The following AFG2A variants were observed in gnomAD, a reference collection of about 807,000 sequenced individuals.
AFG2A encodes AAA ATPase AFG2A.
At chr4:122,977,289 G>C in the AFG2A span, among the ~76,000 whole-genome samples, 2 of 152,174 alleles carry the variant, frequency 1.3e-5, no homozygotes, top group Non-Finnish European at 2.9e-5. Context: ...TCCTACACCT[G>C]CCAAGGGTGA....
the AFG2A span, among the ~76,000 whole-genome samples, chr4:123,140,883 A>G: frequency 6.6e-6 from 1 of 152,190 alleles, no homozygotes; most frequent in African/African-American, 2.4e-5. Context: ...AAAAGTTAAC[A>G]TTGTCATGAA....
the AFG2A span, among the ~76,000 whole-genome samples, chr4:123,073,731 AAAG>A: frequency 1.3e-5 from 2 of 152,202 alleles, no homozygotes; most frequent in African/African-American, 4.8e-5. Flanking sequence ...CAGGTCAACT[AAAG>A]AAAAGGAAAG....
chr4:123,184,757 C>A, the AFG2A span, among the ~76,000 whole-genome samples: 1 of 151,422 alleles, frequency 6.6e-6, no homozygotes, highest in African/African-American at 2.4e-5. Flanking sequence ...GGGATGGTCT[C>A]GATCTCCTGA....
At chr4:123,011,601 T>C in the AFG2A span, among the ~76,000 whole-genome samples, 4 of 152,286 alleles carry the variant, frequency 2.6e-5, no homozygotes, top group Non-Finnish European at 2.9e-5. Flanking sequence ...TCTTGTAGGA[T>C]GGAAAAATCG....
the AFG2A span, among the ~76,000 whole-genome samples, chr4:123,041,277 A>AGTTTTTT: frequency 2.5e-5 from 3 of 118,178 alleles, no homozygotes; most frequent in African/African-American, 9.4e-5. Flanking sequence ...CGCCCAGCTA[A>AGTTTTTT]TTTTTTTTTT....
the AFG2A span, among the ~76,000 whole-genome samples, chr4:123,150,669 A>G: frequency 6.6e-6 from 1 of 152,234 alleles, no homozygotes; most frequent in Admixed American, 6.5e-5. Flanking sequence ...TGAAGAATCA[A>G]TATCATGAAA....
At chr4:123,160,296 C>T in the AFG2A span, among the ~76,000 whole-genome samples, 246 of 152,152 alleles carry the variant, frequency 1.6e-3, 1 homozygote, top group Middle Eastern at 0.014. Context: ...CAGACCTGCC[C>T]GTAGCCATCA....
chr4:123,003,074 C>A, the AFG2A span, among the ~76,000 whole-genome samples: 2 of 152,158 alleles, frequency 1.3e-5, no homozygotes, highest in African/African-American at 4.8e-5. Context: ...ATCACTGATA[C>A]CCTTTCTTCC....
the AFG2A span, among the ~76,000 whole-genome samples, chr4:123,256,494 C>T: frequency 2.6e-5 from 4 of 152,182 alleles, no homozygotes; most frequent in Non-Finnish European, 5.9e-5. Context: ...CAGTTTCTAA[C>T]CAATCACACA....
the AFG2A span, among the ~76,000 whole-genome samples, chr4:123,132,062 A>AT: frequency 1.3e-5 from 2 of 151,920 alleles, no homozygotes; most frequent in Admixed American, 6.6e-5. Context: ...ATGATTAGTG[A>AT]TTTTCACTAT....
At chr4:122,934,416 T>C in the AFG2A span, 19 of 1,614,220 alleles carry the variant, frequency 1.2e-5, no homozygotes, top group Non-Finnish European at 1.5e-5. Flanking sequence ...CACAGAGCCC[T>C]GGAGATGGCA....
At chr4:123,115,796 A>G in the AFG2A span, among the ~76,000 whole-genome samples, 1 of 152,200 alleles carries the variant, frequency 6.6e-6, no homozygotes, top group Admixed American at 6.5e-5. Flanking sequence ...GCTGCCATCA[A>G]TTTGAATGGT....
At chr4:123,187,299 T>C in the AFG2A span, among the ~76,000 whole-genome samples, 5 of 152,202 alleles carry the variant, frequency 3.3e-5, no homozygotes, top group African/African-American at 9.7e-5. Context: ...TGGAACTTTT[T>C]TGAAGTTGTT....
the AFG2A span, among the ~76,000 whole-genome samples, chr4:123,182,140 G>A: frequency 6.6e-6 from 1 of 152,102 alleles, no homozygotes. Flanking sequence ...TAATTGAAAT[G>A]TGAAACTAAG....
the AFG2A span, among the ~76,000 whole-genome samples, chr4:123,081,649 A>G: frequency 1.3e-5 from 2 of 152,184 alleles, no homozygotes; most frequent in Admixed American, 1.3e-4. Context: ...ATAAATATCC[A>G]GGAATGCAAT....
At chr4:123,051,159 CTCT>C in the AFG2A span, among the ~76,000 whole-genome samples, 1 of 151,398 alleles carries the variant, frequency 6.6e-6, no homozygotes, top group Non-Finnish European at 1.5e-5. Context: ...TATTATGTAA[CTCT>C]TCTTTTCGTT....
the AFG2A span, among the ~76,000 whole-genome samples, chr4:122,932,018 G>A: frequency 6.6e-6 from 1 of 152,164 alleles, no homozygotes; most frequent in Non-Finnish European, 1.5e-5. Context: ...TGTAATCCCA[G>A]CACTTTGGGA....
the AFG2A span, among the ~76,000 whole-genome samples, chr4:123,287,289 C>G: frequency 6.6e-6 from 1 of 152,122 alleles, no homozygotes; most frequent in South Asian, 2.1e-4. Context: ...TAGTGTAACC[C>G]CATTTTTGTG....
chr4:123,240,095 T>C, the AFG2A span, among the ~76,000 whole-genome samples: 1 of 152,132 alleles, frequency 6.6e-6, no homozygotes, highest in South Asian at 2.1e-4. Context: ...CATTACATAA[T>C]GGTAAAGGGA....
Sources: allele counts gnomAD v4.1 joint callset (sites outside exome capture counted in the v4.1 genomes callset), GRCh38; gene constraint gnomAD v4.1.1; transcripts MANE v1.5; gene names NCBI Gene and HGNC (gene_info 2026-07-23, HGNC 2026-07-21).